LOXL1: variants seen among roughly 807,000 people sequenced by gnomAD.
The protein encoded by LOXL1 is lysyl oxidase homolog 1.
LOXL1 carries 31 observed loss-of-function variants against 62.2 expected under a neutral mutation model. The ratio of observed to expected loss-of-function variants is 0.50; its 90% confidence interval spans 0.37 to 0.67. The LOEUF (loss-of-function observed/expected upper bound fraction) is 0.67. Among genes scored for constraint, LOXL1 ranks in the 30% least tolerant of loss-of-function variants. The pLI is 0.00. For synonymous variants in LOXL1, 403 were observed against 384.4 expected (o/e 1.05, Z -0.56); for missense variants, 775 against 843.4 (o/e 0.92, Z 1.00).
chr15:73,948,443 TC>T (rs993980738), intron 5 of LOXL1, among the ~76,000 whole-genome samples: 19 of 152,144 alleles, frequency 1.2e-4, no homozygotes, highest in African/African-American at 4.6e-4. Flanking sequence ...ACTTGGTACA[TC>T]CGTGTAGGCC....
In LOXL1 at chr15:73,927,452, G is replaced by T; in HGVS notation, c.669G>T (p.Gly223=). The change falls in exon 1 of 7, where the codon GGG becomes GGT. Residue 223 remains glycine, a synonymous_variant. Transcript: ENST00000261921. ...GAGAAAVASA[G]VIYPYQPRAR... ...GGGCGGCGGCCGTGGCCTCGGCGGG[G>T]GTCATCTACCCCTACCAGCCCCGGG... 1 of 1,452,554 alleles carries T rather than the reference G, an allele frequency of 6.9e-7. No individual in the cohort carries two copies. The highest frequency in any genetic ancestry group is 9.0e-7 in the Non-Finnish European group (1 of 1,105,040). 90.0% of individuals were successfully genotyped at this position (1,452,554 alleles called of 1,614,324 possible).
rs1257491289 is a variant in LOXL1, at chr15:73,937,350, C to T, written c.1103-5504C>T. 3.9e-5 allele frequency among the ~76,000 whole-genome samples: 6 copies of T among 152,202 alleles called. No homozygotes were observed. In the East Asian group the frequency reaches 1.2e-3, roughly 29 times the overall value. The stretch of plus-strand genomic sequence containing the variant: ...CTTCTCGGCTCCGTGTCTTCACTGT[C>T]CTGGAGGTTTGAAGGGCATGCTATA... On this transcript the variant is annotated intron_variant, in intron 1 of 6. Transcript: ENST00000261921.
At chr15:73,932,623 A>G (rs1427591565) in intron 1 of LOXL1, among the ~76,000 whole-genome samples, 1 of 152,200 alleles carries the variant, frequency 6.6e-6, no homozygotes, top group Admixed American at 6.5e-5. Flanking sequence ...ACGTTTGTGT[A>G]ACAAACACTC....
At position 73,951,622 on chromosome 15, in the gene LOXL1, C is replaced by T. The variant is rs561250825; in HGVS notation, c.1719-209C>T. 2.4e-3 allele frequency among the ~76,000 whole-genome samples: 368 copies of T among 152,292 alleles called. 1 individual carries two copies. The highest frequency in any genetic ancestry group is 3.7e-3 in the Non-Finnish European group (249 of 68,024). ...ACTAGGGCATGGGGAGGGGAATGTG[C>T]TGAGACTGTGCCCTGGGTGGGTGGG... On this transcript the variant is annotated intron_variant, in intron 6 of 6. Coordinates refer to ENST00000261921, the MANE Select transcript of LOXL1 (RefSeq NM_005576.4).
At position 73,947,796 on chromosome 15, in the gene LOXL1, C is replaced by T; in HGVS notation, c.1507-11C>T. On this transcript the variant is annotated splice_polypyrimidine_tract_variant and intron_variant, in intron 4 of 6. Transcript: ENST00000261921. ...GCAGCATCACAGCCGCTCCTCTTGT[C>T]CCTTTCCCAGGGCCTGAGCCCAGGC... The T allele has an allele frequency of 6.3e-7, 1 of 1,592,616 alleles. No individual in the cohort carries two copies. Among genetic ancestry groups the T allele is most frequent in the Non-Finnish European group, 8.6e-7 (1 of 1,163,120 alleles).
rs1303518571 is a variant in LOXL1 at position 73,952,099 on chromosome 15, T to C, written c.*262T>C. On this transcript the variant is annotated 3_prime_UTR_variant, in exon 7 of 7. Coordinates refer to ENST00000261921, the MANE Select transcript of LOXL1 (RefSeq NM_005576.4). The stretch of plus-strand genomic sequence containing the variant: ...ACTTTGGCCATACCACAGAGCTAGA[T>C]TGCCCAGGTCTGGGCTGAATAAAAC... The C allele has an allele frequency of 2.6e-6, 1 of 382,720 alleles. No homozygotes were observed. The highest frequency in any genetic ancestry group is 4.5e-5 in the Admixed American group (1 of 22,062). 23.7% of individuals were successfully genotyped at this position (382,720 alleles called of 1,614,324 possible). A position where few individuals can be genotyped will look rare whatever the true frequency, so the allele number is the denominator to read the frequency against.
rs372148192 is a variant in LOXL1, at chr15:73,951,762, C to T, written c.1719-69C>T. On this transcript the variant is annotated intron_variant, in intron 6 of 6. Transcript: ENST00000261921. ...AGGGATCTGGGCTGTGGGAGGGACG[C>T]CCTGGCTGAGGAGGCCACGGGGGCC... 2.5e-5 allele frequency: 35 copies of T among 1,417,700 alleles called. No homozygotes were observed. The African/African-American group carries it at 2.5e-4, about 10-fold the overall frequency. 87.8% of individuals were successfully genotyped at this position (1,417,700 alleles called of 1,614,324 possible).
chr15:73,931,221 A>G (rs560525759), intron 1 of LOXL1, among the ~76,000 whole-genome samples: 1 of 152,052 alleles, frequency 6.6e-6, no homozygotes, highest in Admixed American at 6.5e-5. Flanking sequence ...GCATCCTCCC[A>G]GGGCATCTTG....
chr15:73,947,369 C>G, intron 4 of LOXL1, 146 bp downstream of exon 4: 1 of 788,858 alleles, frequency 1.3e-6, no homozygotes, highest in Non-Finnish European at 2.0e-6. Flanking sequence ...AGTCCTCAGG[C>G]TGCCACACTG....
intron 5 of LOXL1, 76 bp from the exon 6 acceptor site, chr15:73,949,383 C>CA: frequency 1.2e-6 from 1 of 841,636 alleles, no homozygotes; most frequent in Non-Finnish European, 2.1e-6. Context: ...GCCTCTTTAC[C>CA]ACCTTCTCTG....
intron 2 of LOXL1, among the ~76,000 whole-genome samples, chr15:73,944,242 G>A (rs2068733561): frequency 6.6e-6 from 1 of 152,204 alleles, no homozygotes; most frequent in Non-Finnish European, 1.5e-5. Context: ...CAGCCTCCAT[G>A]ACAGCCCTTC....
chr15:73,929,395 G>A (rs1462489323), intron 1 of LOXL1, among the ~76,000 whole-genome samples: 1 of 152,234 alleles, frequency 6.6e-6, no homozygotes, highest in Non-Finnish European at 1.5e-5. Context: ...TCAGCAGAGG[G>A]ATGATGCTTT....
chr15:73,949,526 T>C lies in LOXL1; in HGVS notation c.1670T>C (p.Ile557Thr), dbSNP rs778331164. The C allele has an allele frequency of 4.3e-6, 7 of 1,614,036 alleles. No homozygotes were observed. The highest frequency in any genetic ancestry group is 5.9e-6 in the Non-Finnish European group (7 of 1,180,012). ...DFTNNVVRCN[I>T]HYTGRYVSAT... ...ACCAACAACGTGGTGAGATGCAACATTCACTACACAGGTCGCTACGTTTCT... is the reference window on the plus strand; with the variant it reads ...ACCAACAACGTGGTGAGATGCAACACTCACTACACAGGTCGCTACGTTTCT... The change falls in exon 6 of 7, where the codon ATT becomes ACT. Residue 557 changes from isoleucine to threonine, a missense_variant. Coordinates refer to ENST00000261921, the MANE Select transcript of LOXL1 (RefSeq NM_005576.4).
At chr15:73,934,434 C>T (rs2068656136) in intron 1 of LOXL1, among the ~76,000 whole-genome samples, 1 of 152,182 alleles carries the variant, frequency 6.6e-6, no homozygotes, top group Non-Finnish European at 1.5e-5. Context: ...GAGAGTGGCC[C>T]AAGTCCATGT....
intron 1 of LOXL1, among the ~76,000 whole-genome samples, chr15:73,941,221 G>T (rs1373123696): frequency 2.0e-5 from 3 of 152,152 alleles, no homozygotes; most frequent in Non-Finnish European, 4.4e-5. Context: ...GCCTAGGCTG[G>T]CCAAGAAGTC....
At chr15:73,940,429 C>G (rs995771931) in intron 1 of LOXL1, among the ~76,000 whole-genome samples, 1 of 151,772 alleles carries the variant, frequency 6.6e-6, no homozygotes, top group Admixed American at 6.6e-5. Context: ...TTTAATCAGA[C>G]TTGATGATAT....
chr15:73,928,414 G>A (rs1030654065), intron 1 of LOXL1, among the ~76,000 whole-genome samples: 1 of 152,168 alleles, frequency 6.6e-6, no homozygotes, highest in African/African-American at 2.4e-5. Flanking sequence ...TGGCTTGAGT[G>A]CGCAGGAGGT....
chr15:73,933,343 G>A (rs750129846), intron 1 of LOXL1, among the ~76,000 whole-genome samples: 37 of 152,112 alleles, frequency 2.4e-4, no homozygotes, highest in Admixed American at 1.6e-3. Context: ...ACTCTGTTCC[G>A]TCTCTTAGGG....
At chr15:73,946,785 G>A (rs1020032893) in intron 3 of LOXL1, among the ~76,000 whole-genome samples, 1 of 152,260 alleles carries the variant, frequency 6.6e-6, no homozygotes, top group Non-Finnish European at 1.5e-5. Context: ...CTCAATCAGG[G>A]ATGGAAATGT....
Sources: allele counts gnomAD v4.1 joint callset (sites outside exome capture counted in the v4.1 genomes callset), GRCh38; gene constraint gnomAD v4.1.1; transcripts MANE v1.5; gene names NCBI Gene and HGNC (gene_info 2026-07-23, HGNC 2026-07-21).